DAB2IP: variants seen among roughly 807,000 people sequenced by gnomAD.
The protein encoded by DAB2IP is disabled homolog 2-interacting protein.
In DAB2IP, 28 loss-of-function variants were observed where a neutral mutation model predicts 107.2. That is an observed-to-expected ratio of 0.26 (90% CI 0.19 to 0.36). The LOEUF (loss-of-function observed/expected upper bound fraction) is 0.36. DAB2IP is among the 10% of genes least tolerant of loss of function. DAB2IP has a pLI of 1.00. For synonymous variants in DAB2IP, 755 were observed against 706.4 expected (o/e 1.07, Z -1.09); for missense variants, 1,400 against 1,644.7 (o/e 0.85, Z 2.57).
chr9:121,723,211 G>C (rs1178573119), intron 3 of DAB2IP, among the ~76,000 whole-genome samples: 2 of 152,098 alleles, frequency 1.3e-5, no homozygotes, highest in Admixed American at 6.5e-5. Context: ...GTGCCACACA[G>C]ACTCAGGCCG....
Position 121,633,439 on chromosome 9 carries a change from C to T in DAB2IP, c.41-45239C>T, listed in dbSNP as rs1007017002. On this transcript the variant is annotated intron_variant, in intron 1 of 16. Coordinates refer to the DAB2IP transcript ENST00000259371. This position sits in a 1 kb window ranked among gnomAD's most constrained non-coding sequence, Gnocchi z 5.1. ...CAGAGTGCCTGGTGAGGCCGTTCAGCGTCTGTGCTTTGTTATTCCTGTGTC... is the reference window on the plus strand; with the variant it reads ...CAGAGTGCCTGGTGAGGCCGTTCAGTGTCTGTGCTTTGTTATTCCTGTGTC... Among the ~76,000 whole-genome samples, 3 of 152,106 alleles carry T rather than the reference C, an allele frequency of 2.0e-5. No homozygotes were observed. Among genetic ancestry groups the T allele is most frequent in the Non-Finnish European group, 4.4e-5 (3 of 68,026 alleles).
intron 1 of DAB2IP, among the ~76,000 whole-genome samples, chr9:121,668,924 TTTTTTTTTG>T (rs1310718371): frequency 2.8e-5 from 4 of 141,438 alleles, no homozygotes; most frequent in Non-Finnish European, 6.3e-5. Flanking sequence ...TTTTTTTTTT[TTTTTTTTTG>T]GAGACAGAGC....
rs1323711205 is a variant in DAB2IP, at chr9:121,760,633, C to G, written c.1170+194C>G. 6.6e-6 allele frequency among the ~76,000 whole-genome samples: 1 copy of G among 152,144 alleles called. No individual in the cohort carries two copies. The highest frequency in any genetic ancestry group is 1.5e-5 in the Non-Finnish European group (1 of 68,030). ...CTCCTGCTCTGTGGCTGGAGCTGAT[C>G]ACTGAGGCCTGTGTGGAGCCAGTGG... On this transcript the variant is annotated intron_variant, in intron 6 of 15. Transcript: ENST00000408936. The surrounding 1 kb of genome is among the most constrained non-coding windows in gnomAD (Gnocchi z 5.9).
At chr9:121,636,390 TG>T (rs940653388) in intron 1 of DAB2IP, among the ~76,000 whole-genome samples, 1 of 152,166 alleles carries the variant, frequency 6.6e-6, no homozygotes, top group African/African-American at 2.4e-5. Context: ...GGAAGAGAAG[TG>T]GTTGCCACGG....
intron 3 of DAB2IP, among the ~76,000 whole-genome samples, chr9:121,755,257 C>T (rs528969722): frequency 7.2e-5 from 11 of 152,170 alleles, no homozygotes; most frequent in East Asian, 3.9e-4. Context: ...GGCGGTGTGG[C>T]GTGGCAGGTA....
In DAB2IP at chr9:121,698,833, C is replaced by T. The variant is rs977896320; in HGVS notation, c.229-492C>T. 2.0e-5 allele frequency among the ~76,000 whole-genome samples: 3 copies of T among 152,130 alleles called. No homozygotes were observed. Among genetic ancestry groups the T allele is most frequent in the Admixed American group, 1.3e-4 (2 of 15,282 alleles). ...AGCGGAGGAAGGCGCTTTGTCAATC[C>T]CCGACGGGGTGGGGGGGCGTGGATT... is the stretch of plus-strand genomic sequence containing the variant. On this transcript the variant is annotated intron_variant, in intron 2 of 15. Coordinates refer to ENST00000408936, the Ensembl canonical transcript of DAB2IP. The surrounding 1 kb of genome is among the most constrained non-coding windows in gnomAD (Gnocchi z 4.1).
chr9:121,783,519 T>C, exon 16 of DAB2IP: 1 of 1,614,180 alleles, frequency 6.2e-7, no homozygotes, highest in Non-Finnish European at 8.5e-7. Flanking sequence ...TAACTGTGAT[T>C]TTTTTTCCTT....
At chr9:121,666,867 A>AACACACACACACAC (rs59290421) in intron 1 of DAB2IP, among the ~76,000 whole-genome samples, 13 of 128,668 alleles carry the variant, frequency 1.0e-4, no homozygotes, top group Admixed American at 3.9e-4. Context: ...CCCCAGCCCC[A>AACACACACACACAC]ACACACACAC....
At chr9:121,761,315 G>A (rs986107319) in intron 6 of DAB2IP, among the ~76,000 whole-genome samples, 4 of 152,240 alleles carry the variant, frequency 2.6e-5, no homozygotes, top group Non-Finnish European at 4.4e-5. Context: ...CCTCTGCAGC[G>A]TGGATGGACC....
intron 3 of DAB2IP, chr9:121,751,767 T>C (rs1213159864): frequency 5.4e-6 from 1 of 186,728 alleles, no homozygotes; most frequent in African/African-American, 2.4e-5. Flanking sequence ...CGGAGTGGCT[T>C]GTTCAGTGGA....
rs139656696 is a variant in DAB2IP at position 121,735,844 on chromosome 9, C to T, written c.363-21169C>T. On this transcript the variant is annotated intron_variant, in intron 3 of 15. Transcript: ENST00000408936. Reference sequence around the variant, plus strand: ...CCTTTCCCCTAGGGGTTTTTGTTTCCGTGTTTAAATGACCCAAGGATGAAT... The same window carrying T: ...CCTTTCCCCTAGGGGTTTTTGTTTCTGTGTTTAAATGACCCAAGGATGAAT... Among the ~76,000 whole-genome samples, 265 of 152,234 alleles carry T rather than the reference C, an allele frequency of 1.7e-3. 3 individuals carry two copies. Among genetic ancestry groups the T allele is most frequent in the African/African-American group, 5.8e-3 (241 of 41,540 alleles).
At chr9:121,770,876 C>A (rs563492721) in intron 11 of DAB2IP, 152 bp downstream of exon 11, 2 of 1,102,096 alleles carry the variant, frequency 1.8e-6, no homozygotes, top group Admixed American at 2.9e-5. Flanking sequence ...AAGTGGTGAA[C>A]CTCCATTTGG....
At chr9:121,654,244 T>G (rs1832881719) in intron 1 of DAB2IP, among the ~76,000 whole-genome samples, 1 of 151,422 alleles carries the variant, frequency 6.6e-6, no homozygotes, top group South Asian at 2.1e-4. Flanking sequence ...GAGAATAGAG[T>G]TCCTCCTGGG....
intron 3 of DAB2IP, among the ~76,000 whole-genome samples, chr9:121,753,589 C>A (rs1394090447): frequency 3.9e-5 from 6 of 152,152 alleles, no homozygotes; most frequent in Non-Finnish European, 7.4e-5. Flanking sequence ...CAGCAGGGGG[C>A]CTTGGGCGGC....
intron 2 of DAB2IP, among the ~76,000 whole-genome samples, chr9:121,679,509 C>T (rs193213639): frequency 6.6e-6 from 1 of 152,028 alleles, no homozygotes; most frequent in East Asian, 1.9e-4. Flanking sequence ...GTGTACCTCT[C>T]TCCAGGGCTG....
chr9:121,590,968 T>C (rs1404465257), intron 1 of DAB2IP, among the ~76,000 whole-genome samples: 1 of 152,172 alleles, frequency 6.6e-6, no homozygotes, highest in Non-Finnish European at 1.5e-5. Context: ...GGGTGTGTCA[T>C]GTGGGAGGCC....
intron 3 of DAB2IP, among the ~76,000 whole-genome samples, chr9:121,706,529 C>A (rs1451118467): frequency 6.6e-6 from 1 of 152,200 alleles, no homozygotes; most frequent in African/African-American, 2.4e-5. Flanking sequence ...CTTCCTTGGG[C>A]TCTTGGTCAG....
intron 1 of DAB2IP, among the ~76,000 whole-genome samples, chr9:121,674,123 G>A (rs917697578): frequency 6.6e-6 from 1 of 152,200 alleles, no homozygotes; most frequent in African/African-American, 2.4e-5. Flanking sequence ...TGGTTGCTGG[G>A]AGGCAAAGGT....
chr9:121,602,327 G>T (rs1830709436), intron 1 of DAB2IP, among the ~76,000 whole-genome samples: 1 of 152,134 alleles, frequency 6.6e-6, no homozygotes, highest in African/African-American at 2.4e-5. Flanking sequence ...GGGCAGACCT[G>T]TGGCACCCCC....
Sources: allele counts gnomAD v4.1 joint callset (sites outside exome capture counted in the v4.1 genomes callset), GRCh38; gene constraint gnomAD v4.1.1; non-coding constraint Gnocchi (gnomAD v3.1); transcripts MANE v1.5; gene names NCBI Gene and HGNC (gene_info 2026-07-23, HGNC 2026-07-21).